The following FGF13 variants were observed in gnomAD, a reference collection of about 807,000 sequenced individuals.
FGF13 encodes the protein fibroblast growth factor homologous factor 2.
FGF13 carries 2 observed loss-of-function variants against 19.5 expected under a neutral mutation model. That is an observed-to-expected ratio of 0.10 (90% CI 0.04 to 0.32). The LOEUF is 0.32. Among genes scored for constraint, FGF13 ranks in the 10% least tolerant of loss-of-function variants. FGF13 has a pLI of 1.00. For missense variants in FGF13, 113 were observed against 192.7 expected (o/e 0.59, Z 2.45); for synonymous variants, 72 against 76.9 (o/e 0.94, Z 0.33).
chrX:138,823,465 T>A (rs1009000032), intron 3 of FGF13, among the ~76,000 whole-genome samples: 1 of 111,027 alleles, frequency 9.0e-6, no homozygotes, highest in Non-Finnish European at 1.9e-5. Context: ...TTTCCCCTTT[T>A]TTTTCCTTTT....
At chrX:139,117,164 A>G (rs2083645523) in intron 1 of FGF13, among the ~76,000 whole-genome samples, 1 of 110,957 alleles carries the variant, frequency 9.0e-6, no homozygotes, top group South Asian at 3.9e-4. Flanking sequence ...GTAATTTTGT[A>G]CCTCCCAACA....
At chrX:138,675,784 A>T (rs947300230) in intron 3 of FGF13, among the ~76,000 whole-genome samples, 1 of 111,734 alleles carries the variant, frequency 8.9e-6, no homozygotes. Flanking sequence ...TAAAGGGTCC[A>T]TTCTTCTGCT....
intron 3 of FGF13, among the ~76,000 whole-genome samples, chrX:138,636,041 C>T: frequency 8.9e-6 from 1 of 112,070 alleles, no homozygotes; most frequent in Non-Finnish European, 1.9e-5. Flanking sequence ...AATAAACATT[C>T]GGTCCTTGTA....
Position 139,135,366 on chromosome X carries a change from T to C in FGF13, c.-113+68050A>G, listed in dbSNP as rs1360834923. The stretch of plus-strand genomic sequence containing the variant: ...AAAGTGATGATTGTAAAAGTGACTG[T>C]CCAGGCAGGGTGTGGTCCACAGAAA... On this transcript the variant is annotated intron_variant, in intron 1 of 2. Transcript: ENST00000421460. Among the ~76,000 whole-genome samples, 3 of 112,349 alleles carry C rather than the reference T, an allele frequency of 2.7e-5. No homozygotes were observed. The East Asian group carries it at 8.4e-4, about 31-fold the overall frequency.
chrX:139,092,722 C>A (rs1250878818), intron 1 of FGF13, among the ~76,000 whole-genome samples: 1 of 111,951 alleles, frequency 8.9e-6, no homozygotes, highest in Non-Finnish European at 1.9e-5. Context: ...AATTCTCCAC[C>A]ATGTTCTTAG....
chrX:138,793,021 T>C (rs979783264), intron 3 of FGF13, among the ~76,000 whole-genome samples: 2 of 111,293 alleles, frequency 1.8e-5, no homozygotes, highest in African/African-American at 6.5e-5. Flanking sequence ...AAGGAAGGCA[T>C]AGGAATACTT....
chrX:138,967,929 C>T (rs968887431), intron 1 of FGF13, among the ~76,000 whole-genome samples: 2 of 110,712 alleles, frequency 1.8e-5, no homozygotes, highest in African/African-American at 3.3e-5. Context: ...GGAAACAGTA[C>T]AGTGAGCAGT....
chrX:139,074,144 CAT>C (rs1272397778), intron 1 of FGF13, among the ~76,000 whole-genome samples: 1 of 111,971 alleles, frequency 8.9e-6, no homozygotes, highest in African/African-American at 3.2e-5. Flanking sequence ...AGAGGAATAA[CAT>C]GTGTGGTGGC....
chrX:139,038,286 C>T (rs1195787926), intron 1 of FGF13, among the ~76,000 whole-genome samples: 1 of 110,845 alleles, frequency 9.0e-6, no homozygotes, highest in Non-Finnish European at 1.9e-5. Flanking sequence ...AACTATTAAC[C>T]TTAAACCCCG....
chrX:138,931,913 C>A (rs986813342), intron 1 of FGF13, among the ~76,000 whole-genome samples: 1 of 111,248 alleles, frequency 9.0e-6, no homozygotes, highest in Admixed American at 9.5e-5. Context: ...CAGTTTGTAA[C>A]AAATGGGCCC....
At chrX:138,761,925 T>A (rs1382951567) in intron 3 of FGF13, among the ~76,000 whole-genome samples, 2 of 110,229 alleles carry the variant, frequency 1.8e-5, no homozygotes, top group Non-Finnish European at 3.8e-5. Flanking sequence ...CACCTCTTTT[T>A]TCTTTCTCTT....
At chrX:139,197,407 C>T (rs890953087) in intron 1 of FGF13, among the ~76,000 whole-genome samples, 1 of 112,665 alleles carries the variant, frequency 8.9e-6, no homozygotes, top group Non-Finnish European at 1.9e-5. Context: ...ATTATAAAGA[C>T]AGCAATGTTC....
At chrX:138,998,619 C>A (rs1331781114) in intron 1 of FGF13, among the ~76,000 whole-genome samples, 3 of 111,346 alleles carry the variant, frequency 2.7e-5, no homozygotes, top group Non-Finnish European at 5.6e-5. Flanking sequence ...GGAATCAATG[C>A]AATAAGAAGA....
intron 1 of FGF13, among the ~76,000 whole-genome samples, chrX:139,162,461 C>T (rs1487412521): frequency 8.9e-6 from 1 of 112,094 alleles, no homozygotes; most frequent in Non-Finnish European, 1.9e-5. Flanking sequence ...TAGGCAATAC[C>T]GTTCAGGACA....
intron 1 of FGF13, among the ~76,000 whole-genome samples, chrX:139,034,837 T>C (rs1324645566): frequency 8.9e-6 from 1 of 112,158 alleles, no homozygotes; most frequent in Non-Finnish European, 1.9e-5. Context: ...TCCTTTTTCT[T>C]TACTTTCCAA....
At chrX:138,779,508 G>A (rs1179953365) in intron 3 of FGF13, among the ~76,000 whole-genome samples, 3 of 109,358 alleles carry the variant, frequency 2.7e-5, no homozygotes, top group African/African-American at 6.7e-5. Flanking sequence ...CGAGAACTAC[G>A]TGAAGAATGC....
intron 1 of FGF13, among the ~76,000 whole-genome samples, chrX:139,000,516 A>G (rs1371959726): frequency 8.9e-6 from 1 of 112,057 alleles, no homozygotes; most frequent in African/African-American, 3.3e-5. Flanking sequence ...ATGTGCAAAA[A>G]TCACAAGCAT....
At chrX:139,157,824 C>A (rs922538035) in intron 1 of FGF13, among the ~76,000 whole-genome samples, 1 of 112,144 alleles carries the variant, frequency 8.9e-6, no homozygotes, top group Non-Finnish European at 1.9e-5. Flanking sequence ...TCGGGGTGGC[C>A]GAATAGGAAC....
chrX:138,900,339 T>C (rs1356417087), intron 1 of FGF13, among the ~76,000 whole-genome samples: 1 of 111,016 alleles, frequency 9.0e-6, no homozygotes, highest in African/African-American at 3.3e-5. Context: ...ACTGCAACTC[T>C]TTATACTCAT....
Sources: allele counts gnomAD v4.1 joint callset (sites outside exome capture counted in the v4.1 genomes callset), GRCh38; gene constraint gnomAD v4.1.1; transcripts MANE v1.5; gene names NCBI Gene and HGNC (gene_info 2026-07-23, HGNC 2026-07-21).